RNF216: variants seen among roughly 807,000 people sequenced by gnomAD.
RNF216 encodes the protein ring finger protein 216.
In RNF216, 72 loss-of-function variants were observed where a neutral mutation model predicts 110.8. The observed-to-expected ratio is 0.65, with a 90% CI of 0.54 to 0.79. RNF216 has a LOEUF of 0.79. RNF216 is among the 30% of genes least tolerant of loss of function. RNF216 has a pLI of 0.00. For missense variants in RNF216, 1,342 were observed against 1,141.2 expected, an observed-to-expected ratio of 1.18 and a Z score of -2.54; for synonymous variants, 495 against 407.5, an observed-to-expected ratio of 1.21 and a Z score of -2.59.
chr7:5,735,240 T>G (rs1316640222), intron 5 of RNF216, among the ~76,000 whole-genome samples: 1 of 152,126 alleles, frequency 6.6e-6, no homozygotes, highest in Non-Finnish European at 1.5e-5. Flanking sequence ...CCTTGGGGAC[T>G]TGAAAGAAGC....
intron 3 of RNF216, among the ~76,000 whole-genome samples, chr7:5,745,282 C>T (rs1455984208): frequency 6.6e-6 from 1 of 152,150 alleles, no homozygotes; most frequent in Non-Finnish European, 1.5e-5. Flanking sequence ...CAGAATCCTA[C>T]ATTCACTTCT....
chr7:5,670,963 T>C (rs1789868234), intron 13 of RNF216, among the ~76,000 whole-genome samples: 1 of 152,178 alleles, frequency 6.6e-6, no homozygotes, highest in Admixed American at 6.5e-5. Context: ...CCTAGAGTGT[T>C]TTCTGTGAAC....
chr7:5,647,769 T>C (rs1788143691), intron 14 of RNF216, among the ~76,000 whole-genome samples: 1 of 152,200 alleles, frequency 6.6e-6, no homozygotes, highest in Non-Finnish European at 1.5e-5. Flanking sequence ...GACCTGTTGA[T>C]TTTACATCTT....
At chr7:5,719,087 GAAA>G (rs1321801822) in intron 9 of RNF216, among the ~76,000 whole-genome samples, 2 of 152,068 alleles carry the variant, frequency 1.3e-5, no homozygotes, top group Non-Finnish European at 1.5e-5. Context: ...TAGCATCAGA[GAAA>G]AGAAAGTTGG....
intron 14 of RNF216, among the ~76,000 whole-genome samples, chr7:5,650,358 A>C (rs1036232162): frequency 1.3e-5 from 2 of 152,240 alleles, no homozygotes; most frequent in African/African-American, 4.8e-5. Context: ...GAGCGGAACC[A>C]GTGCCAGGAA....
intron 1 of RNF216, among the ~76,000 whole-genome samples, chr7:5,764,011 G>A (rs955714536): frequency 1.2e-4 from 18 of 150,862 alleles, no homozygotes; most frequent in South Asian, 1.1e-3. Flanking sequence ...CAACATGGGC[G>A]AAACCCTGCT....
chr7:5,743,704 T>C (rs1352405657), intron 3 of RNF216, among the ~76,000 whole-genome samples: 4 of 152,190 alleles, frequency 2.6e-5, no homozygotes, highest in Non-Finnish European at 5.9e-5. Context: ...CCTGGAAGGA[T>C]ACATGCTAAA....
chr7:5,706,219 C>CAAA (rs56894423), intron 13 of RNF216, among the ~76,000 whole-genome samples: 5 of 70,668 alleles, frequency 7.1e-5, no homozygotes, highest in African/African-American at 1.6e-4. Flanking sequence ...CACTCCATCT[C>CAAA]AAAAAAAAAA....
intron 2 of RNF216, among the ~76,000 whole-genome samples, chr7:5,756,260 A>G (rs4720639): frequency 0.98 from 149,051 of 152,270 alleles, 72,964 homozygotes; most frequent in Middle Eastern, 0.99. Context: ...TCCCAGCAAT[A>G]TGGAACTGTG....
chr7:5,697,252 G>A (rs181431108), intron 13 of RNF216, among the ~76,000 whole-genome samples: 46 of 152,314 alleles, frequency 3.0e-4, no homozygotes, highest in Middle Eastern at 6.8e-3. Flanking sequence ...ATGCAGAGCC[G>A]CATGTTCCTC....
intron 1 of RNF216, among the ~76,000 whole-genome samples, chr7:5,776,468 G>A (rs372933892): frequency 2.0e-5 from 3 of 151,184 alleles, no homozygotes; most frequent in South Asian, 2.1e-4. Flanking sequence ...GGTGGCGGGC[G>A]CCTGTAGTCC....
intron 8 of RNF216, 76 bp downstream of exon 8, chr7:5,725,248 G>T: frequency 1.1e-6 from 1 of 870,560 alleles, no homozygotes; most frequent in Non-Finnish European, 1.9e-6. Context: ...CTGTAGCACG[G>T]CTTCCTTCAC....
At chr7:5,759,710 C>T (rs1488111740) in intron 2 of RNF216, among the ~76,000 whole-genome samples, 2 of 149,568 alleles carry the variant, frequency 1.3e-5, no homozygotes, top group East Asian at 2.0e-4. Context: ...CAGCTCACTA[C>T]AACCTCTGCC....
At chr7:5,653,550 G>A (rs1045869260) in intron 13 of RNF216, among the ~76,000 whole-genome samples, 22 of 130,514 alleles carry the variant, frequency 1.7e-4, no homozygotes, top group Non-Finnish European at 2.9e-4. Context: ...GCAGTGAGCC[G>A]AGATCGCGCC....
intron 10 of RNF216, among the ~76,000 whole-genome samples, chr7:5,715,950 C>T (rs746212215): frequency 6.6e-6 from 1 of 152,028 alleles, no homozygotes; most frequent in Admixed American, 6.6e-5. Context: ...ACCACGTTGA[C>T]CAGGCTGGTC....
chr7:5,632,309 G>C (rs887721083), intron 15 of RNF216, among the ~76,000 whole-genome samples: 1 of 152,192 alleles, frequency 6.6e-6, no homozygotes, highest in African/African-American at 2.4e-5. Flanking sequence ...TTGGTTTCTG[G>C]CACAGGCCTT....
intron 1 of RNF216, among the ~76,000 whole-genome samples, chr7:5,772,278 GAAGA>G (rs2128681248): frequency 6.6e-6 from 1 of 152,254 alleles, no homozygotes; most frequent in African/African-American, 2.4e-5. Context: ...GAAATTCTGG[GAAGA>G]CAGTAGTAGT....
intron 13 of RNF216, among the ~76,000 whole-genome samples, chr7:5,707,718 G>GTT (rs35372254): frequency 0.019 from 1,757 of 92,818 alleles, 2 homozygotes; most frequent in East Asian, 0.025. Context: ...TGTGTGTGTG[G>GTT]TTTTTTTTTT....
chr7:5,643,230 T>C (rs910186269), intron 14 of RNF216, among the ~76,000 whole-genome samples: 7 of 152,126 alleles, frequency 4.6e-5, no homozygotes, highest in African/African-American at 1.7e-4. Context: ...CCTTTGCTTC[T>C]GCATTTGTAA....
Sources: gnomAD v4.1 joint callset for allele counts (sites outside exome capture counted in the v4.1 genomes callset) on GRCh38, gnomAD v4.1.1 for gene constraint, MANE v1.5 for transcripts, NCBI Gene and HGNC (gene_info 2026-07-23, HGNC 2026-07-21) for gene names.